Variants in FGGY observed in about 807,000 individuals in gnomAD.
FGGY encodes the protein FGGY carbohydrate kinase domain-containing protein.
FGGY carries 72 observed loss-of-function variants against 71.3 expected under a neutral mutation model. The observed-to-expected ratio is 1.01, with a 90% CI of 0.84 to 1.23. The LOEUF is 1.23. Ranked by LOEUF, FGGY falls within the 50% of genes most tolerant of loss-of-function variation. FGGY has a pLI of 0.00. For synonymous variants in FGGY, 251 were observed against 250.3 expected (o/e 1.00, Z -0.02); for missense variants, 668 against 682.3 (o/e 0.98, Z 0.23).
chr1:59,724,942 T>G (rs1450195389), intron 14 of FGGY, among the ~76,000 whole-genome samples: 1 of 152,208 alleles, frequency 6.6e-6, no homozygotes, highest in Non-Finnish European at 1.5e-5. Context: ...GTTAAAAATG[T>G]CTGTTGCAGA....
intron 10 of FGGY, among the ~76,000 whole-genome samples, chr1:59,629,660 G>A (rs911489619): frequency 1.3e-5 from 2 of 152,064 alleles, no homozygotes; most frequent in Non-Finnish European, 2.9e-5. Flanking sequence ...GGACCATAAC[G>A]GTCATTATTT....
At chr1:59,668,190 A>G (rs1558741570) in intron 13 of FGGY, among the ~76,000 whole-genome samples, 1 of 152,148 alleles carries the variant, frequency 6.6e-6, no homozygotes, top group Non-Finnish European at 1.5e-5. Flanking sequence ...AAGGGGCCCC[A>G]TTGGCAGGAG....
chr1:59,338,715 C>T (rs1330067453), intron 2 of FGGY, among the ~76,000 whole-genome samples: 1 of 152,016 alleles, frequency 6.6e-6, no homozygotes, highest in Admixed American at 6.5e-5. Flanking sequence ...ACAAACATGC[C>T]ATAATTTATT....
intron 8 of FGGY, among the ~76,000 whole-genome samples, chr1:59,572,771 G>C (rs909038587): frequency 1.3e-5 from 2 of 152,138 alleles, no homozygotes; most frequent in Non-Finnish European, 2.9e-5. Flanking sequence ...GGCTTATTAG[G>C]TATCTCACCC....
At chr1:59,476,867 G>A (rs1558060952) in intron 6 of FGGY, among the ~76,000 whole-genome samples, 2 of 152,232 alleles carry the variant, frequency 1.3e-5, no homozygotes, top group South Asian at 2.1e-4. Context: ...AGCACAGGGA[G>A]AAGAGGGCTG....
chr1:59,450,111 C>G (rs988795271), intron 5 of FGGY, among the ~76,000 whole-genome samples: 1 of 152,146 alleles, frequency 6.6e-6, no homozygotes, highest in African/African-American at 2.4e-5. Context: ...TTTCTGTCTT[C>G]CATATATTCT....
chr1:59,391,765 A>G (rs776332710), intron 5 of FGGY, among the ~76,000 whole-genome samples: 6 of 152,312 alleles, frequency 3.9e-5, no homozygotes, highest in South Asian at 2.1e-4. Context: ...TCATTTTCCA[A>G]CTGAGCAGCA....
chr1:59,335,290 A>T (rs2049262081), intron 2 of FGGY, among the ~76,000 whole-genome samples: 1 of 152,206 alleles, frequency 6.6e-6, no homozygotes, highest in Non-Finnish European at 1.5e-5. Flanking sequence ...AATTTTATAT[A>T]AATAGAATCA....
chr1:59,296,410 A>C (rs2041975228), upstream of FGGY, among the ~76,000 whole-genome samples: 1 of 152,252 alleles, frequency 6.6e-6, no homozygotes, highest in Non-Finnish European at 1.5e-5. Flanking sequence ...ACGGTCTGAC[A>C]CACACACCCA....
At chr1:59,320,287 GC>G (rs2046162521) in intron 1 of FGGY, among the ~76,000 whole-genome samples, 1 of 152,218 alleles carries the variant, frequency 6.6e-6, no homozygotes, top group Admixed American at 6.5e-5. Context: ...TATCTAGGAA[GC>G]AGTAACTGAA....
At chr1:59,512,208 AGAGGAGG>A (rs2094534898) in intron 6 of FGGY, 96 bp from the exon 7 acceptor site, 3 of 1,262,012 alleles carry the variant, frequency 2.4e-6, no homozygotes, top group East Asian at 2.6e-5. Context: ...TTGCAAATGC[AGAGGAGG>A]GAGGAGAGAG....
rs572005230 is a variant in FGGY at position 59,554,576 on chromosome 1, G to A, written c.903+349G>A. 3.9e-5 allele frequency among the ~76,000 whole-genome samples: 6 copies of A among 152,174 alleles called. No individual in the cohort carries two copies. In the East Asian group the frequency reaches 9.7e-4, roughly 25 times the overall value. On this transcript the variant is annotated intron_variant, in intron 8 of 15. Transcript: ENST00000303721. ...CCCTAATGGGTAGCGGGGTCTTCTC[G>A]GCAAAGAGTGTCTGTTTTCCTTGGC... is the stretch of plus-strand genomic sequence containing the variant.
chr1:59,712,171 G>T (rs1490886082), intron 14 of FGGY, among the ~76,000 whole-genome samples: 4 of 152,156 alleles, frequency 2.6e-5, no homozygotes, highest in African/African-American at 9.7e-5. Flanking sequence ...CCAAAATCCA[G>T]CAAGGCAGTC....
intron 4 of FGGY, among the ~76,000 whole-genome samples, chr1:59,362,426 A>G (rs183918769): frequency 7.9e-5 from 12 of 152,308 alleles, no homozygotes; most frequent in Admixed American, 6.5e-4. Flanking sequence ...CCACACAAGG[A>G]CTGATGGTGG....
At chr1:59,532,348 C>G (rs1174808254) in intron 7 of FGGY, among the ~76,000 whole-genome samples, 1 of 151,988 alleles carries the variant, frequency 6.6e-6, no homozygotes, top group Non-Finnish European at 1.5e-5. Context: ...AATACACAAA[C>G]AAGTATGAGA....
At chr1:59,636,066 T>A (rs1316123020) in intron 10 of FGGY, among the ~76,000 whole-genome samples, 1 of 152,212 alleles carries the variant, frequency 6.6e-6, no homozygotes, top group Non-Finnish European at 1.5e-5. Context: ...CTTTTCCCAG[T>A]AATATCTTAT....
intron 7 of FGGY, among the ~76,000 whole-genome samples, chr1:59,530,991 C>A (rs1570749402): frequency 6.6e-6 from 1 of 152,134 alleles, no homozygotes; most frequent in African/African-American, 2.4e-5. Flanking sequence ...ATCAATGGAA[C>A]AAGAGGGGAC....
intron 1 of FGGY, among the ~76,000 whole-genome samples, chr1:59,301,688 A>C (rs1462072050): frequency 7.2e-6 from 1 of 139,508 alleles, no homozygotes; most frequent in African/African-American, 2.6e-5. Flanking sequence ...TGTTTTTCCT[A>C]TAACTGTTGT....
chr1:59,596,847 T>C lies in FGGY; in HGVS notation c.904-10956T>C, dbSNP rs116823932. Reference sequence around the variant, plus strand: ...TAACATATCAGGCAGCTAGGGAATGTAGGCTTTCAGACCCTCTCTCTTCAG... The same window carrying C: ...TAACATATCAGGCAGCTAGGGAATGCAGGCTTTCAGACCCTCTCTCTTCAG... On this transcript the variant is annotated intron_variant, in intron 8 of 15. Transcript: ENST00000303721. 2.6e-3 allele frequency among the ~76,000 whole-genome samples: 403 copies of C among 152,310 alleles called. 1 individual carries two copies. The highest frequency in any genetic ancestry group is 9.4e-3 in the African/African-American group (391 of 41,562).
Sources: gnomAD v4.1 joint callset for allele counts (sites outside exome capture counted in the v4.1 genomes callset) on GRCh38, gnomAD v4.1.1 for gene constraint, MANE v1.5 for transcripts, NCBI Gene and HGNC (gene_info 2026-07-23, HGNC 2026-07-21) for gene names.